Variants in LRRC37A2 observed in about 807,000 individuals in gnomAD.
LRRC37A2 encodes leucine rich repeat containing 37 member A2.
Under a neutral mutation model 68.8 loss-of-function variants are expected in LRRC37A2, and 9 were observed. The ratio of observed to expected loss-of-function variants is 0.13; its 90% CI spans 0.08 to 0.23. LRRC37A2 has a LOEUF of 0.23. Among genes scored for constraint, LRRC37A2 ranks in the 10% least tolerant of loss-of-function variants. The probability of loss-of-function intolerance (pLI) is 1.00; values close to 1 mark genes in which losing one functional copy is unlikely to be tolerated. For synonymous variants in LRRC37A2, 63 were observed against 367.6 expected (o/e 0.17, Z 9.48); for missense variants, 168 against 950.4 (o/e 0.18, Z 10.82).
At chr17:46,809,192 A>T in the LRRC37A2 span, among the ~76,000 whole-genome samples, 2 of 152,216 alleles carry the variant, frequency 1.3e-5, no homozygotes, top group Non-Finnish European at 2.9e-5. Context: ...AGTACCAGAT[A>T]GGAAGAGGGG....
the LRRC37A2 span, among the ~76,000 whole-genome samples, chr17:46,798,574 G>A: frequency 7.2e-4 from 109 of 152,230 alleles, no homozygotes; most frequent in African/African-American, 2.5e-3. Flanking sequence ...GCCCTCTCTC[G>A]CCTAAAGGTT....
At chr17:47,032,495 G>A in the LRRC37A2 span, among the ~76,000 whole-genome samples, 2 of 152,202 alleles carry the variant, frequency 1.3e-5, no homozygotes, top group Non-Finnish European at 2.9e-5. Flanking sequence ...AATAGGAGCT[G>A]AATGATGACA....
chr17:46,810,883 C>T, the LRRC37A2 span, among the ~76,000 whole-genome samples: 1 of 152,098 alleles, frequency 6.6e-6, no homozygotes, highest in Non-Finnish European at 1.5e-5. Flanking sequence ...TCTCAGGTGC[C>T]CTAACTCCCT....
the LRRC37A2 span, among the ~76,000 whole-genome samples, chr17:46,945,251 G>A: frequency 6.6e-5 from 10 of 152,158 alleles, no homozygotes; most frequent in Non-Finnish European, 1.0e-4. Flanking sequence ...CATCCTCCAC[G>A]CACTGTCCTC....
chr17:46,539,768 CAAA>C (rs1204528686), intron 6 of LRRC37A2, among the ~76,000 whole-genome samples: 83 of 67,020 alleles, frequency 1.2e-3, no homozygotes, highest in Admixed American at 6.0e-3. Flanking sequence ...GACTCCATCT[CAAA>C]AAAAAAAAAA....
chr17:46,931,992 A>C, the LRRC37A2 span: 1 of 1,322,222 alleles, frequency 7.6e-7, no homozygotes, highest in Admixed American at 1.7e-5. Context: ...GTCTTTCCTC[A>C]GTACAAAGCC....
the LRRC37A2 span, among the ~76,000 whole-genome samples, chr17:46,771,834 G>T: frequency 6.2e-5 from 9 of 144,444 alleles, no homozygotes; most frequent in Non-Finnish European, 1.4e-4. Flanking sequence ...CGCGGTGGGG[G>T]GGCGGTGCTC....
the LRRC37A2 span, chr17:46,875,332 G>T: frequency 6.2e-7 from 1 of 1,611,970 alleles, no homozygotes; most frequent in South Asian, 1.1e-5. Flanking sequence ...CTGCGGGCAC[G>T]GGCAGACGCC....
the LRRC37A2 span, among the ~76,000 whole-genome samples, chr17:46,767,921 T>C: frequency 6.6e-6 from 1 of 152,090 alleles, no homozygotes; most frequent in East Asian, 1.9e-4. Flanking sequence ...CCCAAGCAGC[T>C]GGGATTACAG....
the LRRC37A2 span, chr17:46,921,053 C>T: frequency 1.3e-5 from 2 of 152,038 alleles, no homozygotes; most frequent in Non-Finnish European, 2.9e-5. Flanking sequence ...CATCAGAATA[C>T]TCATTCTATT....
At chr17:46,939,866 T>C in the LRRC37A2 span, 17 of 994,104 alleles carry the variant, frequency 1.7e-5, no homozygotes, top group African/African-American at 2.6e-4. Context: ...CTGAAGTCCA[T>C]CTAATGTGGT....
the LRRC37A2 span, among the ~76,000 whole-genome samples, chr17:46,404,305 TTTAG>T: frequency 9.0e-6 from 1 of 110,584 alleles, no homozygotes; most frequent in East Asian, 2.4e-4. Flanking sequence ...AAAGAATACA[TTTAG>T]TTTGTCACCA....
At chr17:46,785,837 A>G in the LRRC37A2 span, among the ~76,000 whole-genome samples, 1 of 149,574 alleles carries the variant, frequency 6.7e-6, no homozygotes, top group Non-Finnish European at 1.5e-5. Flanking sequence ...TTCTTTGGGG[A>G]GAAAAGGGAA....
At chr17:46,893,187 G>A in the LRRC37A2 span, among the ~76,000 whole-genome samples, 1 of 152,144 alleles carries the variant, frequency 6.6e-6, no homozygotes, top group East Asian at 1.9e-4. Flanking sequence ...ACCTGCCTCG[G>A]CCTCCCAAAG....
chr17:46,957,088 C>T, the LRRC37A2 span, among the ~76,000 whole-genome samples: 5 of 152,134 alleles, frequency 3.3e-5, no homozygotes, highest in African/African-American at 7.2e-5. Flanking sequence ...GCGGGTGGAT[C>T]GTGTGAACCC....
At chr17:46,794,621 C>T in the LRRC37A2 span, among the ~76,000 whole-genome samples, 51,631 of 151,988 alleles carry the variant, frequency 0.34, 9,255 homozygotes, top group Non-Finnish European at 0.42. Flanking sequence ...CCCATTCTCA[C>T]ACCAGTCAAA....
At chr17:46,887,159 GAGGTC>G in the LRRC37A2 span, among the ~76,000 whole-genome samples, 1 of 152,184 alleles carries the variant, frequency 6.6e-6, no homozygotes, top group Non-Finnish European at 1.5e-5. Context: ...ATGGTAAAAT[GAGGTC>G]AGGATTGGGC....
the LRRC37A2 span, among the ~76,000 whole-genome samples, chr17:46,840,024 TTTCTTTCTTTTC>T: frequency 2.9e-5 from 4 of 135,696 alleles, no homozygotes; most frequent in Admixed American, 7.5e-5. Flanking sequence ...TCTTTCTTTC[TTTCTTTCTTTTC>T]TTTCTTTCTT....
chr17:46,940,564 G>T, the LRRC37A2 span: 1 of 1,614,174 alleles, frequency 6.2e-7, no homozygotes, highest in Non-Finnish European at 8.5e-7. Context: ...GGCACCCAAG[G>T]ATCCTGCCAG....
Sources: allele counts gnomAD v4.1 joint callset (sites outside exome capture counted in the v4.1 genomes callset), GRCh38; gene constraint gnomAD v4.1.1; transcripts MANE v1.5; gene names NCBI Gene and HGNC (gene_info 2026-07-23, HGNC 2026-07-21).